NTM: variants seen among roughly 807,000 people sequenced by gnomAD.
NTM encodes the protein neurotrimin, also known as IgLON family member 2.
NTM carries 13 observed loss-of-function variants against 42.1 expected under a neutral mutation model. That is an observed-to-expected ratio of 0.31 (90% CI 0.20 to 0.49). The LOEUF (loss-of-function observed/expected upper bound fraction) is 0.49, where lower values mean the gene tolerates loss of function less well. Ranked by LOEUF, NTM falls within the 20% of genes least tolerant of loss-of-function variation. The probability of loss-of-function intolerance (pLI) is 0.99; values close to 1 mark genes in which losing one functional copy is unlikely to be tolerated. For synonymous variants in NTM, 187 were observed against 179.2 expected, an observed-to-expected ratio of 1.04 and a Z score of -0.35; for missense variants, 373 against 452.8, an observed-to-expected ratio of 0.82 and a Z score of 1.60.
At chr11:131,764,452 G>A (rs1248358255) in intron 1 of NTM, among the ~76,000 whole-genome samples, 1 of 152,130 alleles carries the variant, frequency 6.6e-6, no homozygotes, top group Admixed American at 6.5e-5. Flanking sequence ...CCCGAGATGT[G>A]TTTGGAAAGC....
chr11:131,504,345 C>A (rs2047219194), intron 1 of NTM, among the ~76,000 whole-genome samples: 1 of 152,186 alleles, frequency 6.6e-6, no homozygotes, highest in Non-Finnish European at 1.5e-5. Flanking sequence ...CATGGGGATA[C>A]CCTCAAATTT....
At chr11:131,605,671 G>C (rs1382801677) in intron 1 of NTM, 1 of 313,916 alleles carries the variant, frequency 3.2e-6, no homozygotes, top group African/African-American at 2.3e-5. Flanking sequence ...GTTAACCCTG[G>C]GTGGTTTGTA....
chr11:131,653,721 A>G (rs2066806407), intron 1 of NTM, among the ~76,000 whole-genome samples: 1 of 152,152 alleles, frequency 6.6e-6, no homozygotes, highest in South Asian at 2.1e-4. Flanking sequence ...GTATGAGAAC[A>G]CAGGTGGGGA....
chr11:131,449,955 G>A (rs779237431), intron 1 of NTM, among the ~76,000 whole-genome samples: 9 of 152,134 alleles, frequency 5.9e-5, no homozygotes, highest in African/African-American at 2.2e-4. Context: ...ACTCACGCAC[G>A]CATTGGATTA....
At chr11:131,996,774 C>T (rs74613547) in intron 2 of NTM, among the ~76,000 whole-genome samples, 2,487 of 152,198 alleles carry the variant, frequency 0.016, 72 homozygotes, top group African/African-American at 0.057. Flanking sequence ...GTCATTGCTG[C>T]CAGCCCCCTC....
chr11:131,945,091 C>T (rs376377330), intron 2 of NTM, among the ~76,000 whole-genome samples: 10 of 152,016 alleles, frequency 6.6e-5, no homozygotes, highest in Non-Finnish European at 1.0e-4. Flanking sequence ...AGCACAAATC[C>T]GGAAAAAAAG....
In NTM at chr11:131,418,136, C is replaced by T. The variant is rs552097537; in HGVS notation, c.82+47248C>T. Among the ~76,000 whole-genome samples, 16 of 152,280 alleles carry T rather than the reference C, an allele frequency of 1.1e-4. No individual in the cohort carries two copies. The East Asian group carries it at 1.7e-3, about 17-fold the overall frequency. On this transcript the variant is annotated intron_variant, in intron 1 of 8. Transcript: ENST00000683400. Reference sequence around the variant, plus strand: ...TGTCTTAGGTTCAGCTAGGAGGTAGCGAGGCCGGGATGATTGTATCCAATC... The same window carrying T: ...TGTCTTAGGTTCAGCTAGGAGGTAGTGAGGCCGGGATGATTGTATCCAATC...
At chr11:131,775,840 T>C (rs1456972376) in intron 1 of NTM, among the ~76,000 whole-genome samples, 2 of 152,186 alleles carry the variant, frequency 1.3e-5, no homozygotes, top group Non-Finnish European at 2.9e-5. Flanking sequence ...ACAATGGTAA[T>C]GTGAGATTAA....
intron 1 of NTM, chr11:131,535,134 G>A (rs2051963405): frequency 6.6e-6 from 1 of 152,166 alleles, no homozygotes; most frequent in African/African-American, 2.4e-5. Context: ...GGGGACAGGT[G>A]TTAGCTCTCT....
intron 1 of NTM, among the ~76,000 whole-genome samples, chr11:131,762,932 G>A (rs2084460060): frequency 6.6e-6 from 1 of 152,188 alleles, no homozygotes; most frequent in Non-Finnish European, 1.5e-5. Flanking sequence ...GCTTATTCAT[G>A]CTGCCTGCTG....
chr11:132,163,763 C>T (rs765576033), intron 3 of NTM, among the ~76,000 whole-genome samples: 34 of 152,246 alleles, frequency 2.2e-4, no homozygotes, highest in Non-Finnish European at 3.2e-4. Context: ...TCCTTGGAGG[C>T]CACCTAGCCA....
intron 2 of NTM, among the ~76,000 whole-genome samples, chr11:132,022,390 T>G (rs2074480521): frequency 6.6e-6 from 1 of 152,360 alleles, no homozygotes; most frequent in Middle Eastern, 3.4e-3. Flanking sequence ...TATTTAGCAC[T>G]GTTCTCAGAC....
chr11:131,474,611 A>C (rs1396907402), intron 1 of NTM, among the ~76,000 whole-genome samples: 1 of 151,998 alleles, frequency 6.6e-6, no homozygotes, highest in African/African-American at 2.4e-5. Context: ...CTTGATTTGT[A>C]GCATCTCCAT....
At chr11:131,391,694 G>C (rs1319311727) in intron 1 of NTM, among the ~76,000 whole-genome samples, 1 of 151,068 alleles carries the variant, frequency 6.6e-6, no homozygotes, top group Admixed American at 6.6e-5. Flanking sequence ...AGGATTGGGT[G>C]CGGGAGGAGA....
intron 1 of NTM, among the ~76,000 whole-genome samples, chr11:131,522,353 C>A (rs1185115148): frequency 1.8e-4 from 27 of 147,688 alleles, no homozygotes; most frequent in Non-Finnish European, 1.5e-4. Flanking sequence ...TGCAGAACAA[C>A]AAGAAAAAAA....
intron 2 of NTM, among the ~76,000 whole-genome samples, chr11:132,052,988 G>C (rs1368806165): frequency 1.3e-5 from 2 of 152,030 alleles, no homozygotes; most frequent in African/African-American, 4.8e-5. Context: ...ACAAAATACT[G>C]CTTTTGTAGT....
chr11:131,888,780 T>G (rs1455177551), intron 1 of NTM, among the ~76,000 whole-genome samples: 1 of 152,266 alleles, frequency 6.6e-6, no homozygotes, highest in Non-Finnish European at 1.5e-5. Flanking sequence ...AATTAAATTT[T>G]AAAGTGACAA....
At chr11:132,125,281 GTGTT>G (rs1384650606) in intron 2 of NTM, among the ~76,000 whole-genome samples, 2 of 65,344 alleles carry the variant, frequency 3.1e-5, no homozygotes, top group Admixed American at 1.2e-4. Context: ...GTACTGGTGT[GTGTT>G]TGTGTGTGTG....
intron 2 of NTM, among the ~76,000 whole-genome samples, chr11:132,142,131 G>A (rs958344253): frequency 2.6e-5 from 4 of 152,180 alleles, no homozygotes; most frequent in Non-Finnish European, 5.9e-5. Context: ...TGGACGAAAG[G>A]GGAGAGGCTT....
Sources: gnomAD v4.1 joint callset for allele counts (sites outside exome capture counted in the v4.1 genomes callset) on GRCh38, gnomAD v4.1.1 for gene constraint, MANE v1.5 for transcripts, NCBI Gene and HGNC (gene_info 2026-07-23, HGNC 2026-07-21) for gene names.